Variants in C12orf42 observed in about 807,000 individuals in gnomAD.
C12orf42 encodes uncharacterized protein C12orf42.
In C12orf42, 25 loss-of-function variants were observed where a neutral mutation model predicts 21.6. That is an observed-to-expected ratio of 1.16 (90% CI 0.84 to 1.62). The LOEUF is 1.62. Among genes scored for constraint, C12orf42 ranks in the 40% most tolerant of loss-of-function variants. The pLI is 0.00. For missense variants in C12orf42, 483 were observed against 459.3 expected (o/e 1.05, Z -0.47); for synonymous variants, 174 against 175.0 (o/e 0.99, Z 0.05).
intron 4 of C12orf42, among the ~76,000 whole-genome samples, chr12:103,308,499 C>T (rs953211115): frequency 1.3e-5 from 2 of 152,120 alleles, no homozygotes; most frequent in Non-Finnish European, 1.5e-5. Flanking sequence ...GCATTCCTTA[C>T]CATTTATTTA....
At chr12:103,297,458 T>C (rs2037370911), downstream of C12orf42, among the ~76,000 whole-genome samples, 1 of 152,244 alleles carries the variant, frequency 6.6e-6, no homozygotes, top group African/African-American at 2.4e-5. Flanking sequence ...GAGGCAATAA[T>C]TAATAGCCTA....
At chr12:103,172,125 AT>A in the C12orf42 span, among the ~76,000 whole-genome samples, 1 of 152,080 alleles carries the variant, frequency 6.6e-6, no homozygotes, top group African/African-American at 2.4e-5. Flanking sequence ...CATTTCTCAA[AT>A]TTTAGGCAGG....
the C12orf42 span, among the ~76,000 whole-genome samples, chr12:103,507,529 T>C: frequency 6.6e-6 from 1 of 150,500 alleles, no homozygotes; most frequent in South Asian, 2.1e-4. Context: ...TTGTTTTTTA[T>C]TTGTGGGGTG....
At chr12:103,388,582 T>C (rs908808189) in intron 3 of C12orf42, among the ~76,000 whole-genome samples, 1 of 151,754 alleles carries the variant, frequency 6.6e-6, no homozygotes, top group Non-Finnish European at 1.5e-5. Flanking sequence ...AAGTTTGTTA[T>C]AGTTTTCTCT....
intron 1 of C12orf42, among the ~76,000 whole-genome samples, chr12:103,483,101 C>G (rs1954584499): frequency 6.6e-6 from 1 of 152,170 alleles, no homozygotes; most frequent in Non-Finnish European, 1.5e-5. Context: ...GTCTCTCAGA[C>G]TACCTCTTTG....
chr12:103,474,482 A>G (rs948917576), intron 2 of C12orf42, among the ~76,000 whole-genome samples: 3 of 126,404 alleles, frequency 2.4e-5, no homozygotes, highest in Non-Finnish European at 3.4e-5. Context: ...GTGTGTGTGT[A>G]TAAAATACAT....
chr12:103,535,311 G>A, the C12orf42 span, among the ~76,000 whole-genome samples: 2 of 151,626 alleles, frequency 1.3e-5, no homozygotes, highest in Non-Finnish European at 2.9e-5. Flanking sequence ...ATTCAAGACT[G>A]AAGTATAAAA....
At chr12:103,547,050 T>C in the C12orf42 span, among the ~76,000 whole-genome samples, 23 of 152,234 alleles carry the variant, frequency 1.5e-4, no homozygotes, top group Non-Finnish European at 3.2e-4. Context: ...TTCATTTCCT[T>C]ATGAAGGCTC....
the C12orf42 span, among the ~76,000 whole-genome samples, chr12:103,198,277 T>C: frequency 2.0e-5 from 3 of 152,278 alleles, no homozygotes; most frequent in South Asian, 4.1e-4. Flanking sequence ...CTTTGACAGA[T>C]AGGTGACCTC....
chr12:103,054,478 T>C, the C12orf42 span, among the ~76,000 whole-genome samples: 2 of 151,854 alleles, frequency 1.3e-5, no homozygotes, highest in Non-Finnish European at 3.0e-5. Flanking sequence ...AGAGGCTTTT[T>C]TTTGCACATT....
At chr12:103,511,024 G>A in the C12orf42 span, among the ~76,000 whole-genome samples, 1 of 152,204 alleles carries the variant, frequency 6.6e-6, no homozygotes, top group Non-Finnish European at 1.5e-5. Context: ...CATGAAGCCA[G>A]TGGACAGGGT....
At chr12:103,407,821 A>G (rs2048537084) in intron 2 of C12orf42, among the ~76,000 whole-genome samples, 1 of 152,172 alleles carries the variant, frequency 6.6e-6, no homozygotes, top group South Asian at 2.1e-4. Flanking sequence ...GTTGACAAAG[A>G]ATTTTGCACC....
intron 4 of C12orf42, among the ~76,000 whole-genome samples, chr12:103,345,809 T>C (rs950820451): frequency 1.3e-5 from 2 of 152,180 alleles, no homozygotes; most frequent in Non-Finnish European, 2.9e-5. Flanking sequence ...TACAGGTTTA[T>C]TGAACTGAAC....
chr12:103,558,646 T>C, the C12orf42 span: 1 of 152,242 alleles, frequency 6.6e-6, no homozygotes, highest in Non-Finnish European at 1.5e-5. Context: ...ATTCTAATCG[T>C]TTCAGGTTTT....
the C12orf42 span, among the ~76,000 whole-genome samples, chr12:103,160,788 A>G: frequency 2.6e-5 from 4 of 152,198 alleles, no homozygotes; most frequent in African/African-American, 9.7e-5. Flanking sequence ...GTGACCCTGG[A>G]TGAGGCAGGC....
At chr12:103,401,797 T>C (rs955395813) in intron 2 of C12orf42, 122 bp from the exon 3 acceptor site, 1 of 876,614 alleles carries the variant, frequency 1.1e-6, no homozygotes, top group Non-Finnish European at 1.8e-6. Context: ...TGGCTGTTCA[T>C]TCACTGAGTA....
At chr12:103,139,901 T>A in the C12orf42 span, among the ~76,000 whole-genome samples, 1 of 152,232 alleles carries the variant, frequency 6.6e-6, no homozygotes, top group African/African-American at 2.4e-5. Flanking sequence ...CTATTTTTCT[T>A]CTTTGTCCAT....
chr12:103,483,990 C>T (rs1340683014), intron 1 of C12orf42, among the ~76,000 whole-genome samples: 1 of 152,196 alleles, frequency 6.6e-6, no homozygotes, highest in Non-Finnish European at 1.5e-5. Flanking sequence ...AGGACATGAA[C>T]TCATCCTTTT....
At chr12:103,301,532 C>T (rs953478393), downstream of C12orf42, among the ~76,000 whole-genome samples, 8 of 152,164 alleles carry the variant, frequency 5.3e-5, no homozygotes, top group Non-Finnish European at 7.3e-5. Context: ...TTCAGCACCT[C>T]TTTTACATTA....
Sources: gnomAD v4.1 joint callset for allele counts (sites outside exome capture counted in the v4.1 genomes callset) on GRCh38, gnomAD v4.1.1 for gene constraint, MANE v1.5 for transcripts, NCBI Gene and HGNC (gene_info 2026-07-23, HGNC 2026-07-21) for gene names.